Variants in ZFHX3 observed in about 807,000 individuals in gnomAD.
The protein encoded by ZFHX3 is zinc finger homeobox 3, also known as zinc finger homeobox protein 3.
In ZFHX3, 42 loss-of-function variants were observed where a neutral mutation model predicts 279.1. The observed-to-expected ratio is 0.15, with a 90% CI of 0.12 to 0.19. The LOEUF (loss-of-function observed/expected upper bound fraction) is 0.19. ZFHX3 is among the 10% of genes least tolerant of loss of function. The pLI, the probability that ZFHX3 is intolerant of heterozygous loss-of-function variation, is 1.00. For synonymous variants in ZFHX3, 2,293 were observed against 1,957.8 expected (o/e 1.17, Z -4.52); for missense variants, 4,981 against 4,754.0 (o/e 1.05, Z -1.40).
chr16:72,924,387 A>G (rs986476880), intron 3 of ZFHX3, among the ~76,000 whole-genome samples: 1 of 152,178 alleles, frequency 6.6e-6, no homozygotes, highest in African/African-American at 2.4e-5. Context: ...CTACAAGAGG[A>G]GGTAAGAAAG....
intron 3 of ZFHX3, among the ~76,000 whole-genome samples, chr16:73,363,916 T>C (rs1228075757): frequency 1.3e-5 from 2 of 152,190 alleles, no homozygotes; most frequent in African/African-American, 4.8e-5. Flanking sequence ...CTCATGCCTG[T>C]AATCCCCGCA....
intron 1 of ZFHX3, among the ~76,000 whole-genome samples, chr16:73,802,784 T>A (rs1309466180): frequency 6.6e-6 from 1 of 152,200 alleles, no homozygotes; most frequent in East Asian, 1.9e-4. Context: ...TATTTTATAT[T>A]CTTAGAGTAA....
intron 1 of ZFHX3, among the ~76,000 whole-genome samples, chr16:73,055,994 G>A (rs1248451515): frequency 6.6e-6 from 1 of 152,116 alleles, no homozygotes; most frequent in Non-Finnish European, 1.5e-5. Context: ...AAGAGCATTT[G>A]CAAATATTTA....
chr16:73,085,499 GC>G (rs1353656256), intron 8 of ZFHX3, among the ~76,000 whole-genome samples: 2 of 152,102 alleles, frequency 1.3e-5, no homozygotes, highest in African/African-American at 4.8e-5. Context: ...GCCTGCCTCG[GC>G]CTCCCAAAGT....
At chr16:73,599,229 G>C (rs1041721925) in intron 2 of ZFHX3, among the ~76,000 whole-genome samples, 2 of 152,162 alleles carry the variant, frequency 1.3e-5, no homozygotes, top group African/African-American at 2.4e-5. Flanking sequence ...CATTAGCCAC[G>C]GGGGTGTCAG....
intron 8 of ZFHX3, among the ~76,000 whole-genome samples, chr16:73,069,879 C>T (rs1376151200): frequency 6.6e-6 from 1 of 152,194 alleles, no homozygotes; most frequent in African/African-American, 2.4e-5. Flanking sequence ...TGAGATATTT[C>T]ATCATGGACG....
intron 5 of ZFHX3, among the ~76,000 whole-genome samples, chr16:72,822,309 A>T (rs2036813867): frequency 1.3e-5 from 2 of 152,190 alleles, no homozygotes; most frequent in Non-Finnish European, 2.9e-5. Context: ...CAACCTTCCT[A>T]AAAGTAGAGA....
chr16:73,792,312 G>A (rs1028487347), intron 1 of ZFHX3, among the ~76,000 whole-genome samples: 2 of 152,086 alleles, frequency 1.3e-5, no homozygotes, highest in Non-Finnish European at 1.5e-5. Flanking sequence ...CAGGGGCGGC[G>A]ACCATGTGAG....
intron 5 of ZFHX3, among the ~76,000 whole-genome samples, chr16:73,206,954 G>A (rs1321163495): frequency 6.6e-6 from 1 of 151,632 alleles, no homozygotes; most frequent in Non-Finnish European, 1.5e-5. Flanking sequence ...AGAGGTGGAG[G>A]TTGCAGTGAG....
intron 2 of ZFHX3, among the ~76,000 whole-genome samples, chr16:73,537,224 T>C (rs2019918019): frequency 6.6e-6 from 1 of 151,472 alleles, no homozygotes; most frequent in Non-Finnish European, 1.5e-5. Context: ...GCATCACCAA[T>C]ACCACTTTCA....
chr16:73,251,569 T>C (rs553706880), intron 5 of ZFHX3, among the ~76,000 whole-genome samples: 264 of 151,884 alleles, frequency 1.7e-3, no homozygotes, highest in African/African-American at 6.3e-3. Context: ...CCCAGATGAG[T>C]AGAACCCAGA....
chr16:73,457,428 G>A (rs1383369889), intron 2 of ZFHX3, among the ~76,000 whole-genome samples: 1 of 152,124 alleles, frequency 6.6e-6, no homozygotes, highest in African/African-American at 2.4e-5. Flanking sequence ...TTAGTAGAAG[G>A]GCCTTGAATA....
intron 5 of ZFHX3, among the ~76,000 whole-genome samples, chr16:73,203,106 T>C (rs1464758924): frequency 2.0e-5 from 3 of 152,122 alleles, no homozygotes; most frequent in African/African-American, 7.2e-5. Flanking sequence ...AGCCTCTTGG[T>C]GCCTATTTTA....
chr16:73,851,164 C>A (rs530998218), intron 1 of ZFHX3, among the ~76,000 whole-genome samples: 3 of 152,096 alleles, frequency 2.0e-5, no homozygotes, highest in Admixed American at 2.0e-4. Flanking sequence ...ACATAAAGTA[C>A]AGAACTCAAT....
chr16:72,953,356 C>G (rs1961090127), intron 2 of ZFHX3, among the ~76,000 whole-genome samples: 1 of 151,832 alleles, frequency 6.6e-6, no homozygotes, highest in African/African-American at 2.4e-5. Flanking sequence ...CAGGCAACAT[C>G]CAGGAAACAT....
At chr16:73,835,051 G>T (rs578020465) in intron 1 of ZFHX3, among the ~76,000 whole-genome samples, 2 of 152,340 alleles carry the variant, frequency 1.3e-5, no homozygotes, top group African/African-American at 2.4e-5. Flanking sequence ...GACTGGAAAA[G>T]GTGTTCTGGT....
rs752012440 is a variant in ZFHX3 at position 72,957,407 on chromosome 16, A to T, written c.2719+20T>A. ...TTAAACTCCTATCATGAAAACAGAC[A>T]AACACGTAGTCATCCTCACCTAGAG... On this transcript the variant is annotated intron_variant, in intron 2 of 9. Coordinates refer to ENST00000268489, the MANE Select transcript of ZFHX3 (RefSeq NM_006885.4). 3 of 1,578,122 alleles carry T rather than the reference A, an allele frequency of 1.9e-6. No individual in the cohort carries two copies. The highest frequency in any genetic ancestry group is 1.7e-6 in the Non-Finnish European group (2 of 1,161,358).
intron 3 of ZFHX3, among the ~76,000 whole-genome samples, chr16:72,896,736 C>T (rs1415952987): frequency 2.6e-5 from 4 of 152,174 alleles, no homozygotes; most frequent in African/African-American, 9.7e-5. Flanking sequence ...TGGAGGGGCC[C>T]CAGCTCCCTC....
chr16:72,923,808 C>T (rs1053937614), intron 3 of ZFHX3, among the ~76,000 whole-genome samples: 1 of 152,186 alleles, frequency 6.6e-6, no homozygotes, highest in African/African-American at 2.4e-5. Context: ...TGCCAATACT[C>T]ATTCCCGATC....
Sources: allele counts gnomAD v4.1 joint callset (sites outside exome capture counted in the v4.1 genomes callset), GRCh38; gene constraint gnomAD v4.1.1; transcripts MANE v1.5; gene names NCBI Gene and HGNC (gene_info 2026-07-23, HGNC 2026-07-21).